Variants in EYS observed in about 807,000 individuals in gnomAD.
The protein encoded by EYS is EGF-like photoreceptor maintenance factor, also known as protein eyes shut homolog.
EYS carries 250 observed loss-of-function variants against 282.1 expected under a neutral mutation model. The observed-to-expected ratio is 0.89, with a 90% CI of 0.80 to 0.98. EYS has a LOEUF of 0.98. EYS is among the 50% of genes least tolerant of loss of function. The pLI is 0.00. For missense variants in EYS, 4,016 were observed against 3,709.0 expected (o/e 1.08, Z -2.15); for synonymous variants, 1,355 against 1,282.9 (o/e 1.06, Z -1.20).
At chr6:65,492,301 GAGAA>G (rs1002977463) in intron 4 of EYS, among the ~76,000 whole-genome samples, 3 of 138,712 alleles carry the variant, frequency 2.2e-5, no homozygotes, top group East Asian at 2.1e-4. Context: ...CTGTAAGAAA[GAGAA>G]AGAGAGAGAA....
chr6:64,239,242 G>T (rs1379483432), intron 30 of EYS, among the ~76,000 whole-genome samples: 1 of 152,152 alleles, frequency 6.6e-6, no homozygotes, highest in East Asian at 1.9e-4. Flanking sequence ...ATAGTAGAAT[G>T]ATTTATAATA....
intron 22 of EYS, among the ~76,000 whole-genome samples, chr6:64,762,938 C>T (rs1337887348): frequency 6.6e-6 from 1 of 152,034 alleles, no homozygotes; most frequent in African/African-American, 2.4e-5. Flanking sequence ...TGTGGAATGG[C>T]ATGTTAGAAA....
intron 19 of EYS, among the ~76,000 whole-genome samples, chr6:64,873,704 A>G (rs1269476342): frequency 6.6e-6 from 1 of 151,490 alleles, no homozygotes; most frequent in Non-Finnish European, 1.5e-5. Flanking sequence ...CATTACAAAA[A>G]AAATTATCAG....
intron 36 of EYS, among the ~76,000 whole-genome samples, chr6:63,861,343 T>C (rs1772525623): frequency 6.6e-6 from 1 of 152,230 alleles, no homozygotes; most frequent in African/African-American, 2.4e-5. Flanking sequence ...TGTCCACTTA[T>C]CTACATCCCC....
At chr6:64,763,643 C>G (rs529344992) in intron 22 of EYS, among the ~76,000 whole-genome samples, 2 of 152,238 alleles carry the variant, frequency 1.3e-5, no homozygotes, top group South Asian at 2.1e-4. Context: ...CAAGCCATCC[C>G]AACAGTCCCC....
chr6:64,834,128 C>T (rs2150030066), intron 19 of EYS, among the ~76,000 whole-genome samples: 1 of 151,834 alleles, frequency 6.6e-6, no homozygotes, highest in South Asian at 2.1e-4. Flanking sequence ...CAAAGCAGAC[C>T]CAGCAGTCAC....
rs1206206296 is a variant in EYS at position 64,439,246 on chromosome 6, A to G, written c.5751T>C (p.Tyr1917=). 7 of 1,514,658 alleles carry G rather than the reference A, an allele frequency of 4.6e-6. No individual in the cohort carries two copies. Among genetic ancestry groups the G allele is most frequent in the African/African-American group, 2.8e-5 (2 of 70,656 alleles). 93.8% of individuals were successfully genotyped at this position (1,514,658 alleles called of 1,614,324 possible). The part of the protein sequence containing the change: ...ISLEFQTFSS[Y]GLLLYVKQDS... ...CTTGCTTGACATACAGCAGAAGTCC[A>G]TAGGAGCTGAAGGTCTGAAATTCTA... The change falls in exon 27 of 43, where the codon TAT becomes TAC. Residue 1917 remains tyrosine (Y), a synonymous_variant. Transcript: ENST00000503581.
At chr6:64,201,956 G>A (rs1451367544) in intron 31 of EYS, among the ~76,000 whole-genome samples, 1 of 152,128 alleles carries the variant, frequency 6.6e-6, no homozygotes, top group Non-Finnish European at 1.5e-5. Context: ...GTGAGTGCAG[G>A]TTAGTGAACA....
intron 26 of EYS, among the ~76,000 whole-genome samples, chr6:64,464,634 T>A (rs1775857802): frequency 6.6e-6 from 1 of 152,048 alleles, no homozygotes; most frequent in Non-Finnish European, 1.5e-5. Flanking sequence ...AATGTCTCTA[T>A]ATACTAACAA....
intron 12 of EYS, among the ~76,000 whole-genome samples, chr6:65,080,719 T>G (rs1774209238): frequency 1.3e-5 from 2 of 152,068 alleles, no homozygotes; most frequent in Admixed American, 1.3e-4. Flanking sequence ...GTTTGTTAAT[T>G]TAAAAAAAAA....
In EYS at chr6:64,081,981, G is replaced by C. The variant is rs537922564; in HGVS notation, c.6446C>G (p.Ser2149Cys). The change falls in exon 32 of 43, where the codon TCT becomes TGT. Residue 2149 changes from serine to cysteine, a missense_variant. Transcript: ENST00000503581. ...CEKDAGLFFP[S>C]FNGNSYLELP... Reference sequence around the variant, plus strand: ...TTCTAAATAGGAATTCCCATTGAAAGATGGAAAGAATAAACCTGCATCTAA... The same window carrying C: ...TTCTAAATAGGAATTCCCATTGAAACATGGAAAGAATAAACCTGCATCTAA... The C allele has an allele frequency of 1.3e-6, 2 of 1,543,080 alleles. No homozygotes were observed. The highest frequency in any genetic ancestry group is 1.4e-5 in the African/African-American group (1 of 72,874).
chr6:65,490,525 T>C, intron 5 of EYS, 69 bp downstream of exon 5: 1 of 863,684 alleles, frequency 1.2e-6, no homozygotes, highest in South Asian at 1.5e-5. Flanking sequence ...TATTTCACAT[T>C]TAATTTGAAA....
At chr6:63,911,005 C>T (rs2149737777) in intron 35 of EYS, among the ~76,000 whole-genome samples, 1 of 151,486 alleles carries the variant, frequency 6.6e-6, no homozygotes, top group East Asian at 1.9e-4. Flanking sequence ...TTTCCCAAAA[C>T]AATATGCTTT....
intron 13 of EYS, among the ~76,000 whole-genome samples, chr6:65,027,022 G>T (rs13216649): frequency 0.29 from 38,692 of 135,512 alleles, 6,117 homozygotes; most frequent in African/African-American, 0.44. Flanking sequence ...TGTAATGTGT[G>T]TTTTTTTTTT....
intron 29 of EYS, among the ~76,000 whole-genome samples, chr6:64,321,289 T>G (rs547241320): frequency 3.3e-5 from 5 of 151,810 alleles, no homozygotes; most frequent in Non-Finnish European, 7.4e-5. Flanking sequence ...CTATGGTGAA[T>G]CTACTCTAAA....
intron 30 of EYS, among the ~76,000 whole-genome samples, chr6:64,257,040 A>G (rs1767425621): frequency 2.6e-5 from 4 of 152,044 alleles, no homozygotes; most frequent in Admixed American, 2.0e-4. Flanking sequence ...GTCTTTCAAT[A>G]AAACACATTT....
Position 64,686,857 on chromosome 6 carries a change from G to GTATA in EYS, c.3444-60616_3444-60613dup, listed in dbSNP as rs1182157154. On this transcript the variant is annotated intron_variant, in intron 22 of 42. Coordinates refer to ENST00000503581, the MANE Select transcript of EYS (RefSeq NM_001142800.2). ...TATATACGTGTATATATATATATGT[G>GTATA]TATATATATACGTGTATATATATAT... is the stretch of plus-strand genomic sequence containing the variant. Among the ~76,000 whole-genome samples, 11 of 21,526 alleles carry GTATA rather than the reference G, an allele frequency of 5.1e-4. 1 individual carries two copies. The highest frequency in any genetic ancestry group is 1.1e-3 in the African/African-American group (11 of 9,652). The allele number at this position is 21,526 out of a possible 152,430, so 14.1% of individuals were successfully genotyped here.
At chr6:65,021,000 G>C (rs1345433548) in intron 13 of EYS, among the ~76,000 whole-genome samples, 1 of 152,138 alleles carries the variant, frequency 6.6e-6, no homozygotes, top group African/African-American at 2.4e-5. Context: ...TGGGGCCCGG[G>C]ACCCAGTCCA....
At chr6:64,751,541 C>T (rs1772756811) in intron 22 of EYS, among the ~76,000 whole-genome samples, 2 of 152,240 alleles carry the variant, frequency 1.3e-5, no homozygotes, top group African/African-American at 4.8e-5. Context: ...TTGTCCCCCA[C>T]TCTGGGGCTG....
Sources: gnomAD v4.1 joint callset for allele counts (sites outside exome capture counted in the v4.1 genomes callset) on GRCh38, gnomAD v4.1.1 for gene constraint, MANE v1.5 for transcripts, NCBI Gene and HGNC (gene_info 2026-07-23, HGNC 2026-07-21) for gene names.